The following VEZF1 variants were observed in gnomAD, a reference collection of about 807,000 sequenced individuals.
VEZF1 encodes vascular endothelial zinc finger 1.
A neutral mutation model predicts 44.1 loss-of-function variants in VEZF1; 5 were observed. The observed-to-expected ratio is 0.11, with a 90% confidence interval of 0.06 to 0.24. The LOEUF (loss-of-function observed/expected upper bound fraction) is 0.24, where lower values mean the gene tolerates loss of function less well. Among genes scored for constraint, VEZF1 ranks in the 10% least tolerant of loss-of-function variants. VEZF1 has a pLI of 1.00. For synonymous variants in VEZF1, 236 were observed against 233.1 expected (o/e 1.01, Z -0.11); for missense variants, 358 against 641.8 (o/e 0.56, Z 4.78).
chr17:57,984,832 AATTT>A (rs2075280955), intron 1 of VEZF1, among the ~76,000 whole-genome samples: 3 of 152,204 alleles, frequency 2.0e-5, no homozygotes, highest in African/African-American at 7.2e-5. Flanking sequence ...TCTCAGTTTC[AATTT>A]AATAATTTTG....
chr17:57,983,542 T>G, intron 1 of VEZF1, 149 bp from the exon 2 acceptor site: 1 of 701,472 alleles, frequency 1.4e-6, no homozygotes, highest in Non-Finnish European at 2.3e-6. Flanking sequence ...CTAGTTACTC[T>G]AAGAGCTCAC....
chr17:57,985,710 C>G (rs1198717445), intron 1 of VEZF1, among the ~76,000 whole-genome samples: 1 of 152,150 alleles, frequency 6.6e-6, no homozygotes, highest in Non-Finnish European at 1.5e-5. Context: ...GATATGGCAC[C>G]ATGAAATCTC....
At position 57,982,907 on chromosome 17, in the gene VEZF1, G is replaced by A. The variant is rs1300015743; in HGVS notation, c.520C>T (p.His174Tyr). ...GCCTTCCCACACATCTCACAAGCATGGTTCTTCTTGACAGGCTTACTGGGT... is the reference window on the plus strand; with the variant it reads ...GCCTTCCCACACATCTCACAAGCATAGTTCTTCTTGACAGGCTTACTGGGT... The part of the protein sequence containing the change: ...KKPSKPVKKN[H>Y]ACEMCGKAFR... The change falls in exon 2 of 6, where the codon CAT becomes TAT. Residue 174 changes from histidine (H) to tyrosine (Y), a missense_variant. Around this residue, in one of 4 missense-constraint regions of VEZF1, gnomAD observed 117 missense variants for 207.2 expected, o/e 0.56. Coordinates refer to ENST00000581208, the MANE Select transcript of VEZF1 (RefSeq NM_007146.3). 1 of 1,614,090 alleles carries A rather than the reference G, an allele frequency of 6.2e-7. No individual in the cohort carries two copies. Among genetic ancestry groups the A allele is most frequent in the East Asian group, 2.2e-5 (1 of 44,900 alleles).
intron 1 of VEZF1, among the ~76,000 whole-genome samples, chr17:57,987,775 T>C (rs1475574061): frequency 6.6e-6 from 1 of 151,726 alleles, no homozygotes; most frequent in Non-Finnish European, 1.5e-5. Context: ...GCGACCGGCC[T>C]CCTCCCTTCC....
Position 57,983,126 on chromosome 17 carries a change from A to G in VEZF1, c.301T>C (p.Leu101=), listed in dbSNP as rs776546143. 6 of 1,614,208 alleles carry G rather than the reference A, an allele frequency of 3.7e-6. No individual in the cohort carries two copies. The South Asian group carries it at 6.6e-5, about 18-fold the overall frequency. The change falls in exon 2 of 6, where the codon TTG becomes CTG. Residue 101 remains leucine (L), a synonymous_variant. Coordinates refer to ENST00000581208, the MANE Select transcript of VEZF1 (RefSeq NM_007146.3). ...GGGGTTTTCTTTGGCCGGGACACCA[A>G]CTTGATCCCTGTGTGGCAGGATTCG... ...RHESCHTGIK[L]VSRPKKTPTT... is the part of the protein sequence containing the mutation.
chr17:57,984,956 A>G (rs576449424), intron 1 of VEZF1, among the ~76,000 whole-genome samples: 1 of 152,166 alleles, frequency 6.6e-6, no homozygotes, highest in Non-Finnish European at 1.5e-5. Context: ...CTTTTAATCT[A>G]ATTTGTGAAG....
In VEZF1 at chr17:57,974,795, G is replaced by T; in HGVS notation, c.1244C>A (p.Pro415Gln). Residue 415 changes from proline to glutamine, a missense_variant, in exon 6 of 6, where the codon CCA becomes CAA. Around this residue, in one of 4 missense-constraint regions of VEZF1, gnomAD observed 171 missense variants for 272.4 expected, o/e 0.63. Coordinates refer to ENST00000581208, the MANE Select transcript of VEZF1 (RefSeq NM_007146.3). ...SSVSSGTMSNPVTVAAAMSMR... is the reference protein window; with the variant it reads ...SSVSSGTMSNQVTVAAAMSMR... ...GCTCATTGCAGCTGCCACTGTGACT[G>T]GGTTTGACATAGTCCCAGACGACAC... 6.2e-7 allele frequency: 1 copy of T among 1,614,150 alleles called. No homozygotes were observed. The highest frequency in any genetic ancestry group is 8.5e-7 in the Non-Finnish European group (1 of 1,180,030).
chr17:57,987,492 G>A (rs1293914483), intron 1 of VEZF1, among the ~76,000 whole-genome samples: 2 of 152,236 alleles, frequency 1.3e-5, no homozygotes, highest in Admixed American at 6.5e-5. Flanking sequence ...TGGCGGTGAG[G>A]GGGAGTGGCG....
intron 3 of VEZF1, among the ~76,000 whole-genome samples, chr17:57,981,049 T>G (rs1198231320): frequency 6.6e-6 from 1 of 152,216 alleles, no homozygotes; most frequent in African/African-American, 2.4e-5. Context: ...TGGGTTTAAG[T>G]TGAGCTCCAC....
At chr17:57,980,098 T>G (rs916564286) in intron 4 of VEZF1, among the ~76,000 whole-genome samples, 1 of 152,222 alleles carries the variant, frequency 6.6e-6, no homozygotes. Context: ...AATGGATAGA[T>G]TAACACACAT....
At chr17:57,982,033 C>G (rs2075253840) in intron 2 of VEZF1, 97 bp from the exon 3 acceptor site, 3 of 1,311,860 alleles carry the variant, frequency 2.3e-6, no homozygotes, top group Non-Finnish European at 3.3e-6. Flanking sequence ...GGAAGGGGTG[C>G]ATTTTAGGGA....
Position 57,974,089 on chromosome 17 carries a change from T to C in VEZF1, c.*384A>G, listed in dbSNP as rs181057389. 1 of 204,550 alleles carries C rather than the reference T, an allele frequency of 4.9e-6. No individual in the cohort carries two copies. Among genetic ancestry groups the C allele is most frequent in the Admixed American group, 5.2e-5 (1 of 19,380 alleles). The allele number at this position is 204,550 out of a possible 1,614,324, so 12.7% of individuals were successfully genotyped here. On this transcript the variant is annotated 3_prime_UTR_variant, in exon 6 of 6. Coordinates refer to ENST00000581208, the MANE Select transcript of VEZF1 (RefSeq NM_007146.3). The stretch of plus-strand genomic sequence containing the variant: ...AGGTTAAAATCAGCCATCCACCTTG[T>C]ATAGGGAGAAGAGTTCTGCTAGTGT...
rs2075148572 is a variant in VEZF1 at position 57,972,655 on chromosome 17, A to C, written c.*1818T>G. 6.6e-6 allele frequency: 1 copy of C among 152,640 alleles called. No individual in the cohort carries two copies. The highest frequency in any genetic ancestry group is 1.5e-5 in the Non-Finnish European group (1 of 68,048). The allele number at this position is 152,640 out of a possible 1,614,324, so 9.5% of individuals were successfully genotyped here. A position where few individuals can be genotyped will look rare whatever the true frequency, so the allele number is the denominator to read the frequency against. On this transcript the variant is annotated 3_prime_UTR_variant, in exon 6 of 6. Transcript: ENST00000581208. ...TGTTTACATGGACATTATAACAAACATATACATTAAAAGTGTAGGAATGTG... is the reference window on the plus strand; with the variant it reads ...TGTTTACATGGACATTATAACAAACCTATACATTAAAAGTGTAGGAATGTG...
In VEZF1 at chr17:57,983,413, CT is replaced by C. The variant is rs1431779446; in HGVS notation, c.34-21del. The stretch of plus-strand genomic sequence containing the variant: ...ATGGGCCTAAAACCAAACATTTACA[CT>C]TCAGAAACTCAGCCTCTCACAATGG... On this transcript the variant is annotated intron_variant, in intron 1 of 5. Coordinates refer to ENST00000581208, the MANE Select transcript of VEZF1 (RefSeq NM_007146.3). The C allele has an allele frequency of 6.4e-6, 10 of 1,572,354 alleles. No individual in the cohort carries two copies. In the African/African-American group the frequency reaches 1.1e-4, roughly 17 times the overall value.
chr17:57,982,905 A>G lies in VEZF1; in HGVS notation c.522T>C (p.His174=). Residue 174 remains histidine, a synonymous_variant, in exon 2 of 6, where the codon CAT becomes CAC. Transcript: ENST00000581208. ...AGGCCTTCCCACACATCTCACAAGC[A>G]TGGTTCTTCTTGACAGGCTTACTGG... ...KKPSKPVKKN[H]ACEMCGKAFR... 1 of 1,614,198 alleles carries G rather than the reference A, an allele frequency of 6.2e-7. No homozygotes were observed.
intron 4 of VEZF1, among the ~76,000 whole-genome samples, chr17:57,979,970 C>CAAAAAAA (rs11359148): frequency 1.0e-4 from 7 of 68,428 alleles, no homozygotes; most frequent in Admixed American, 1.7e-4. Flanking sequence ...GACTCCGTCT[C>CAAAAAAA]AAAAAAAAAA....
At chr17:57,979,360 T>G (rs747204632) in intron 4 of VEZF1, 47 bp from the exon 5 acceptor site, 2 of 1,596,708 alleles carry the variant, frequency 1.3e-6, no homozygotes, top group African/African-American at 2.7e-5. Context: ...TGTAAAACTG[T>G]TGCCGTTTTT....
At chr17:57,980,351 G>T (rs2075237383) in intron 4 of VEZF1, among the ~76,000 whole-genome samples, 1 of 152,150 alleles carries the variant, frequency 6.6e-6, no homozygotes, top group Non-Finnish European at 1.5e-5. Flanking sequence ...TACAGATTTG[G>T]GTTTGAAAAG....
intron 1 of VEZF1, among the ~76,000 whole-genome samples, chr17:57,984,483 G>A (rs1447252052): frequency 6.6e-6 from 1 of 152,138 alleles, no homozygotes; most frequent in African/African-American, 2.4e-5. Flanking sequence ...ACTCTTGACA[G>A]TGAGCCCAAG....
Sources: gnomAD v4.1 joint callset for allele counts (sites outside exome capture counted in the v4.1 genomes callset) on GRCh38, gnomAD v4.1.1 for gene constraint, gnomAD v4.1.1 regional missense constraint, MANE v1.5 for transcripts, NCBI Gene and HGNC (gene_info 2026-07-23, HGNC 2026-07-21) for gene names.